The following BOD1L1 variants were observed in gnomAD, a reference collection of about 807,000 sequenced individuals.
The protein encoded by BOD1L1 is biorientation of chromosomes in cell division protein 1-like 1.
A neutral mutation model predicts 240.7 loss-of-function variants in BOD1L1; 86 were observed. The ratio of observed to expected loss-of-function variants is 0.36; its 90% confidence interval spans 0.30 to 0.43. BOD1L1 has a LOEUF of 0.43. Among genes scored for constraint, BOD1L1 ranks in the 20% least tolerant of loss-of-function variants. The pLI is 1.00. For synonymous variants in BOD1L1, 1,268 were observed against 1,272.3 expected, an observed-to-expected ratio of 1.00 and a Z score of 0.07; for missense variants, 3,554 against 3,643.5, an observed-to-expected ratio of 0.98 and a Z score of 0.63.
chr4:13,609,502 G>A, intron 6 of BOD1L1, 96 bp from the exon 7 acceptor site: 1 of 745,306 alleles, frequency 1.3e-6, no homozygotes, highest in Non-Finnish European at 2.0e-6. Context: ...CCCTTCAGAT[G>A]TTCTTACAAA....
At position 13,608,510 on chromosome 4, in the gene BOD1L1, T is replaced by G; in HGVS notation, c.1742+20A>C. ...CCAGGGGAGTGTTATAAGGGAAACA[T>G]GACCAGATAAAATATGTACCTTGAA... On this transcript the variant is annotated intron_variant, in intron 8 of 25. Coordinates refer to ENST00000040738, the MANE Select transcript of BOD1L1 (RefSeq NM_148894.3). The G allele has an allele frequency of 6.6e-7, 1 of 1,507,312 alleles. No homozygotes were observed. Among genetic ancestry groups the G allele is most frequent in the Non-Finnish European group, 8.8e-7 (1 of 1,132,432 alleles). The allele number at this position is 1,507,312 out of a possible 1,614,324, so 93.4% of individuals were successfully genotyped here. A position where few individuals can be genotyped will look rare whatever the true frequency, so the allele number is the denominator to read the frequency against.
chr4:13,598,848 G>A lies in BOD1L1; in HGVS notation c.7954+98C>T, dbSNP rs560657892. On this transcript the variant is annotated intron_variant, in intron 10 of 25. Coordinates refer to ENST00000040738, the MANE Select transcript of BOD1L1 (RefSeq NM_148894.3). ...AAATTTATAGATATTTTATCTTTCT[G>A]GAACCAAAACCATCTTTTGGAAGAC... 28 of 1,273,362 alleles carry A rather than the reference G, an allele frequency of 2.2e-5. 1 individual carries two copies. In the South Asian group the frequency reaches 4.6e-4, roughly 21 times the overall value. 78.9% of individuals were successfully genotyped at this position (1,273,362 alleles called of 1,614,324 possible). A position where few individuals can be genotyped will look rare whatever the true frequency, so the allele number is the denominator to read the frequency against.
At position 13,615,388 on chromosome 4, in the gene BOD1L1, C is replaced by T. The variant is rs56295497; in HGVS notation, c.483G>A (p.Thr161=). ...VEKAVHEFLA[T]LNHKEEGSGN... is the part of the protein sequence containing the mutation. ...CACTTCCTTCCTCTTTGTGATTTAG[C>T]GTGGCCAAAAACTCATGCACAGCTT... The change falls in exon 3 of 26, where the codon ACG becomes ACA. Residue 161 remains threonine (T), a synonymous_variant. Coordinates refer to ENST00000040738, the MANE Select transcript of BOD1L1 (RefSeq NM_148894.3). The T allele has an allele frequency of 0.022, 35,751 of 1,613,680 alleles. 478 individuals are homozygous for T. The highest frequency in any genetic ancestry group is 0.027 in the Non-Finnish European group (31,434 of 1,179,724).
At position 13,569,288 on chromosome 4, in the gene BOD1L1, G is replaced by A. The variant is rs1712005511; in HGVS notation, c.*723C>T. On this transcript the variant is annotated 3_prime_UTR_variant, in exon 26 of 26. Coordinates refer to ENST00000040738, the MANE Select transcript of BOD1L1 (RefSeq NM_148894.3). Reference sequence around the variant, plus strand: ...GAACCAGAACCTGTTTTGTGTCAACGTGGCTGGTAGTAAAGTCACAGATGC... The same window carrying A: ...GAACCAGAACCTGTTTTGTGTCAACATGGCTGGTAGTAAAGTCACAGATGC... 6.6e-6 allele frequency: 1 copy of A among 152,178 alleles called. No homozygotes were observed. The highest frequency in any genetic ancestry group is 1.5e-5 in the Non-Finnish European group (1 of 68,032). The allele number at this position is 152,178 out of a possible 1,614,324, so 9.4% of individuals were successfully genotyped here.
In BOD1L1 at chr4:13,600,533, C is replaced by T. The variant is rs781575420; in HGVS notation, c.6367G>A (p.Val2123Ile). 1 of 1,613,934 alleles carries T rather than the reference C, an allele frequency of 6.2e-7. No homozygotes were observed. The highest frequency in any genetic ancestry group is 1.7e-5 in the Admixed American group (1 of 60,030). ...GTGAGTTGGCTGTCATCTCCTGAGA[C>T]TGCACTGGGCATGGGGGCCTCAAAT... is the stretch of plus-strand genomic sequence containing the variant. ...EEFEAPMPSA[V>I]SGDDSQLTAS... The change falls in exon 10 of 26, where the codon GTC (valine) becomes ATC (isoleucine). Residue 2123 changes from valine to isoleucine, a missense_variant. This residue lies in a region of BOD1L1 where 3,393 missense variants were observed against 3,427.1 expected (regional missense o/e 0.99). Transcript: ENST00000040738.
chr4:13,589,405 T>G (rs570947930), intron 14 of BOD1L1, among the ~76,000 whole-genome samples: 3 of 152,262 alleles, frequency 2.0e-5, no homozygotes, highest in African/African-American at 7.2e-5. Context: ...TGCAAAATAA[T>G]GTACAAATGA....
At chr4:13,596,595 A>AG (rs1301828524) in intron 11 of BOD1L1, among the ~76,000 whole-genome samples, 1 of 151,298 alleles carries the variant, frequency 6.6e-6, no homozygotes, top group Non-Finnish European at 1.5e-5. Context: ...TAAAAAAAAA[A>AG]AAGCAGATTT....
chr4:13,586,296 A>T, intron 17 of BOD1L1, 100 bp downstream of exon 17: 1 of 561,748 alleles, frequency 1.8e-6, no homozygotes. Flanking sequence ...TTAAAGAGGG[A>T]TAGTAAAATG....
Position 13,600,534 on chromosome 4 carries a change from T to G in BOD1L1, c.6366A>C (p.Ala2122=), listed in dbSNP as rs1255867984. 1 of 1,613,858 alleles carries G rather than the reference T, an allele frequency of 6.2e-7. No individual in the cohort carries two copies. Among genetic ancestry groups the G allele is most frequent in the Non-Finnish European group, 8.5e-7 (1 of 1,179,898 alleles). The change falls in exon 10 of 26, where the codon GCA becomes GCC. Residue 2122 remains alanine, a synonymous_variant. Coordinates refer to ENST00000040738, the MANE Select transcript of BOD1L1 (RefSeq NM_148894.3). The stretch of plus-strand genomic sequence containing the variant: ...TGAGTTGGCTGTCATCTCCTGAGAC[T>G]GCACTGGGCATGGGGGCCTCAAATT... The part of the protein sequence containing the change: ...TEEFEAPMPS[A]VSGDDSQLTA...
intron 12 of BOD1L1, among the ~76,000 whole-genome samples, chr4:13,593,786 G>C (rs1389651468): frequency 6.6e-6 from 1 of 152,158 alleles, no homozygotes; most frequent in Non-Finnish European, 1.5e-5. Context: ...AATTTAAAGA[G>C]CCAATCCAAC....
chr4:13,600,929 GCTGA>G lies in BOD1L1; in HGVS notation c.5967_5970del (p.Gln1990SerfsTer48). On this transcript the variant is annotated frameshift_variant, in exon 10 of 26. Coordinates refer to ENST00000040738, the MANE Select transcript of BOD1L1 (RefSeq NM_148894.3). LOFTEE classifies it high-confidence loss of function. ...ATAGTGGTATCTTCAACTTTTTCGA[GCTGA>G]CTGTCACTTTGATCAGATGCAGCAC... 6.2e-7 allele frequency: 1 copy of G among 1,613,928 alleles called. No individual in the cohort carries two copies.
chr4:13,604,535 G>A lies in BOD1L1; in HGVS notation c.2365C>T (p.Arg789Ter). ...TKLSSDDKTE[R>*]KSKHRNERKL... Reference sequence around the variant, plus strand: ...CTTTCATTCCTATGTTTACTTTTTCGTTCGGTTTTATCATCTGAAGAAAGC... The same window carrying A: ...CTTTCATTCCTATGTTTACTTTTTCATTCGGTTTTATCATCTGAAGAAAGC... The change falls in exon 10 of 26, where the codon CGA (arginine) becomes TGA (stop). Residue 789 changes from arginine (R) to a stop codon, truncating the protein, a stop_gained. Coordinates refer to ENST00000040738, the MANE Select transcript of BOD1L1 (RefSeq NM_148894.3). LOFTEE classifies it high-confidence loss of function. 3 of 1,533,502 alleles carry A rather than the reference G, an allele frequency of 2.0e-6. No homozygotes were observed. Among genetic ancestry groups the A allele is most frequent in the Non-Finnish European group, 2.6e-6 (3 of 1,148,630 alleles). 95.0% of individuals were successfully genotyped at this position (1,533,502 alleles called of 1,614,324 possible). A position where few individuals can be genotyped will look rare whatever the true frequency, so the allele number is the denominator to read the frequency against.
Position 13,577,286 on chromosome 4 carries a change from A to T in BOD1L1, c.8884+117T>A, listed in dbSNP as rs1468213419. ...ACGGGATTAGACCTATTTCACACAT[A>T]TTTATATAATATTAATATTAGCTGT... On this transcript the variant is annotated intron_variant, in intron 24 of 25. Transcript: ENST00000040738. The T allele has an allele frequency of 8.2e-6, 7 of 855,936 alleles. No homozygotes were observed. The Admixed American group carries it at 8.9e-5, about 11-fold the overall frequency. 53.0% of individuals were successfully genotyped at this position (855,936 alleles called of 1,614,324 possible).
intron 25 of BOD1L1, among the ~76,000 whole-genome samples, chr4:13,571,353 G>A (rs1157402270): frequency 2.6e-5 from 4 of 152,194 alleles, no homozygotes; most frequent in South Asian, 2.1e-4. Context: ...CACGTCTTCC[G>A]TTTCTTGTTT....
chr4:13,587,399 A>G (rs1393669202), intron 16 of BOD1L1, among the ~76,000 whole-genome samples: 1 of 152,214 alleles, frequency 6.6e-6, no homozygotes, highest in Non-Finnish European at 1.5e-5. Flanking sequence ...GTATCTGCTT[A>G]TGATATAAAA....
intron 21 of BOD1L1, among the ~76,000 whole-genome samples, chr4:13,580,255 T>C (rs1027687876): frequency 2.6e-5 from 4 of 152,180 alleles, no homozygotes; most frequent in African/African-American, 9.7e-5. Context: ...AGGCAAACCA[T>C]TTTACATGTT....
chr4:13,603,176 A>G lies in BOD1L1; in HGVS notation c.3724T>C (p.Leu1242=), dbSNP rs1390149361. The change falls in exon 10 of 26, where the codon TTA becomes CTA. Residue 1242 remains leucine, a synonymous_variant. Coordinates refer to ENST00000040738, the MANE Select transcript of BOD1L1 (RefSeq NM_148894.3). ...NIDSETVHRM[L]LSAPSENDRV... is the part of the protein sequence containing the mutation. ...TCATTTTCTGATGGGGCACTCAGTAACATTCTATGAACAGTTTCAGAATCT... is the reference window on the plus strand; with the variant it reads ...TCATTTTCTGATGGGGCACTCAGTAGCATTCTATGAACAGTTTCAGAATCT... 2 of 1,614,060 alleles carry G rather than the reference A, an allele frequency of 1.2e-6. No homozygotes were observed. Among genetic ancestry groups the G allele is most frequent in the African/African-American group, 1.3e-5 (1 of 75,070 alleles).
In BOD1L1 at chr4:13,599,031, T is replaced by A. The variant is rs1476955953; in HGVS notation, c.7869A>T (p.Gly2623=). ...ATGATTTCCTTGTGCTGTTATCATC[T>A]CCTGTTTTCTCAGCAGATGCTTGAT... ...WTDQASAEKT[G]DDNSTRKSFP... is the part of the protein sequence containing the mutation. Residue 2623 remains glycine (G), a synonymous_variant, in exon 10 of 26, where the codon GGA becomes GGT. Coordinates refer to ENST00000040738, the MANE Select transcript of BOD1L1 (RefSeq NM_148894.3). The A allele has an allele frequency of 5.6e-6, 9 of 1,613,876 alleles. No individual in the cohort carries two copies. Among genetic ancestry groups the A allele is most frequent in the Admixed American group, 5.0e-5 (3 of 60,002 alleles).
At chr4:13,584,431 A>G (rs1229180208) in intron 17 of BOD1L1, among the ~76,000 whole-genome samples, 1 of 109,642 alleles carries the variant, frequency 9.1e-6, no homozygotes, top group African/African-American at 4.1e-5. Flanking sequence ...GGGGAGAGAA[A>G]GAGAGAGAGA....
Sources: gnomAD v4.1 joint callset for allele counts (sites outside exome capture counted in the v4.1 genomes callset) on GRCh38, gnomAD v4.1.1 for gene constraint, gnomAD v4.1.1 regional missense constraint, MANE v1.5 for transcripts, NCBI Gene and HGNC (gene_info 2026-07-23, HGNC 2026-07-21) for gene names.